The following ABCC2 variants were observed in gnomAD, a reference collection of about 807,000 sequenced individuals.
ABCC2 encodes ATP binding cassette subfamily C member 2.
Under a neutral mutation model 173.4 loss-of-function variants are expected in ABCC2, and 157 were observed. That is an observed-to-expected ratio of 0.91 (90% CI 0.80 to 1.03). ABCC2 has a LOEUF of 1.03. ABCC2 is among the 50% of genes least tolerant of loss of function. ABCC2 has a pLI of 0.00. For synonymous variants in ABCC2, 657 were observed against 693.5 expected, an observed-to-expected ratio of 0.95 and a Z score of 0.83; for missense variants, 1,822 against 1,852.3, an observed-to-expected ratio of 0.98 and a Z score of 0.30.
intron 16 of ABCC2, 90 bp from the exon 17 acceptor site, chr10:99,817,218 T>G: frequency 8.4e-7 from 1 of 1,195,980 alleles, no homozygotes; most frequent in Non-Finnish European, 1.2e-6. Context: ...TTAAGCTCCA[T>G]TTGTTTCTTC....
intron 25 of ABCC2, among the ~76,000 whole-genome samples, chr10:99,836,673 C>T (rs1372214306): frequency 6.6e-6 from 1 of 152,138 alleles, no homozygotes; most frequent in East Asian, 1.9e-4. Flanking sequence ...CCTCTGTTTA[C>T]TTTTCTGAGA....
In ABCC2 at chr10:99,784,567, A is replaced by C. The variant is rs757085567; in HGVS notation, c.34-41A>C. 90 of 1,610,574 alleles carry C rather than the reference A, an allele frequency of 5.6e-5. 1 individual carries two copies. The highest frequency in any genetic ancestry group is 5.5e-5 in the Non-Finnish European group (65 of 1,178,088). On this transcript the variant is annotated intron_variant, in intron 1 of 31. Coordinates refer to ENST00000647814, the MANE Select transcript of ABCC2 (RefSeq NM_000392.5). ...TGCTGCAGGGTGGTTTTCTGTCTTC[A>C]CAATGCATGTATGCAACAATCCTTC...
At chr10:99,822,637 G>A (rs1207869763) in intron 19 of ABCC2, among the ~76,000 whole-genome samples, 6 of 150,350 alleles carry the variant, frequency 4.0e-5, no homozygotes, top group Non-Finnish European at 7.4e-5. Context: ...CATGTGGGCT[G>A]TTCTTTTTAC....
chr10:99,805,466 G>T lies in ABCC2; in HGVS notation c.1530+19G>T. 2.5e-6 allele frequency: 4 copies of T among 1,611,872 alleles called. No homozygotes were observed. Among genetic ancestry groups the T allele is most frequent in the Non-Finnish European group, 3.4e-6 (4 of 1,178,028 alleles). ...AATCAAGGTGAGAATCTGAGCGTAGGTGGCTCTCTGTGGGTAAGGACAGAA... is the reference window on the plus strand; with the variant it reads ...AATCAAGGTGAGAATCTGAGCGTAGTTGGCTCTCTGTGGGTAAGGACAGAA... On this transcript the variant is annotated intron_variant, in intron 11 of 31. Transcript: ENST00000647814.
intron 25 of ABCC2, among the ~76,000 whole-genome samples, chr10:99,841,479 C>T (rs12771624): frequency 0.3 from 45,244 of 151,892 alleles, 7,315 homozygotes; most frequent in Non-Finnish European, 0.35. Flanking sequence ...GGCTTGAGCC[C>T]GGGAGGTCGA....
chr10:99,817,113 T>C (rs1446319213), intron 16 of ABCC2, among the ~76,000 whole-genome samples, 195 bp from the exon 17 acceptor site: 2 of 152,202 alleles, frequency 1.3e-5, no homozygotes, highest in Admixed American at 6.5e-5. Context: ...GGGCTTTTAA[T>C]GGTGAAGAGG....
At chr10:99,792,784 A>AT (rs1207457187) in intron 3 of ABCC2, among the ~76,000 whole-genome samples, 3 of 152,314 alleles carry the variant, frequency 2.0e-5, no homozygotes, top group African/African-American at 7.2e-5. Context: ...TCTTGCAGGC[A>AT]TTTTTTCAGG....
At chr10:99,782,902 A>G (rs1564665057) in intron 1 of ABCC2, 25 bp downstream of exon 1, 1 of 1,612,744 alleles carries the variant, frequency 6.2e-7, no homozygotes, top group Non-Finnish European at 8.5e-7. Flanking sequence ...TTATCTTCAT[A>G]TTGACTCTTC....
rs17216310 is a variant in ABCC2, at chr10:99,844,486, C to T, written c.3987+21C>T. On this transcript the variant is annotated intron_variant, in intron 28 of 31. Transcript: ENST00000647814. ...AGAAGGTAGGTGGAGTGAAGGAAGG[C>T]CTGGATGGGAGGCCTTGTGATCAAA... 4.8e-3 allele frequency: 7,716 copies of T among 1,611,436 alleles called. 37 individuals carry two copies. The highest frequency in any genetic ancestry group is 0.026 in the Middle Eastern group (156 of 6,054).
intron 2 of ABCC2, among the ~76,000 whole-genome samples, chr10:99,788,058 C>A (rs1433652739): frequency 8.6e-6 from 1 of 116,306 alleles, no homozygotes; most frequent in African/African-American, 3.3e-5. Flanking sequence ...CAGAGGTAGA[C>A]CCTGTCTCAA....
intron 6 of ABCC2, among the ~76,000 whole-genome samples, chr10:99,795,472 G>C (rs1484040721): frequency 6.6e-6 from 1 of 152,000 alleles, no homozygotes; most frequent in African/African-American, 2.4e-5. Context: ...GCTGAGGCGG[G>C]TGGATCACCT....
chr10:99,783,467 T>C (rs1054476066), intron 1 of ABCC2, among the ~76,000 whole-genome samples: 2 of 152,134 alleles, frequency 1.3e-5, no homozygotes, highest in Non-Finnish European at 2.9e-5. Flanking sequence ...GCAAAAAATT[T>C]CAAGATAGGG....
In ABCC2 at chr10:99,830,301, C is replaced by G. The variant is rs2038715089; in HGVS notation, c.2621-6C>G. On this transcript the variant is annotated splice_region_variant and splice_polypyrimidine_tract_variant and intron_variant, in intron 19 of 31. Coordinates refer to ENST00000647814, the MANE Select transcript of ABCC2 (RefSeq NM_000392.5). ...TCTTTCCCTAACCTCTACTGTGTCTCCCTAGTCCATGATGGCAGTGAAGAA... is the reference window on the plus strand; with the variant it reads ...TCTTTCCCTAACCTCTACTGTGTCTGCCTAGTCCATGATGGCAGTGAAGAA... 9 of 1,614,110 alleles carry G rather than the reference C, an allele frequency of 5.6e-6. No homozygotes were observed. Among genetic ancestry groups the G allele is most frequent in the Non-Finnish European group, 7.6e-6 (9 of 1,180,002 alleles).
In ABCC2 at chr10:99,846,693, T is replaced by C. The variant is rs7920448; in HGVS notation, c.4147-268T>C. 0.055 allele frequency among the ~76,000 whole-genome samples: 8,345 copies of C among 152,280 alleles called. 252 individuals carry two copies. The highest frequency in any genetic ancestry group is 0.18 in the Middle Eastern group (52 of 294). ...TGTCAAGGCTGCAGTGAGCGGTGTT[T>C]GTGCCACTGCACTCCAGTCTGGGCA... On this transcript the variant is annotated intron_variant, in intron 29 of 31. Coordinates refer to ENST00000647814, the MANE Select transcript of ABCC2 (RefSeq NM_000392.5).
chr10:99,811,497 G>A (rs2038212822), intron 14 of ABCC2, 39 bp from the exon 15 acceptor site: 2 of 1,604,854 alleles, frequency 1.2e-6, no homozygotes, highest in Non-Finnish European at 1.7e-6. Flanking sequence ...AGTCACGTGG[G>A]GACCTACATT....
At chr10:99,827,380 T>G (rs1193243891) in intron 19 of ABCC2, among the ~76,000 whole-genome samples, 5 of 151,832 alleles carry the variant, frequency 3.3e-5, no homozygotes, top group East Asian at 1.9e-4. Flanking sequence ...TAGTCAACAT[T>G]TTGCGTTGAC....
At position 99,805,379 on chromosome 10, in the gene ABCC2, C is replaced by A; in HGVS notation, c.1465-3C>A. 6.2e-7 allele frequency: 1 copy of A among 1,613,408 alleles called. No individual in the cohort carries two copies. The highest frequency in any genetic ancestry group is 8.5e-7 in the Non-Finnish European group (1 of 1,179,516). ...TGTTTTTCTTTTGCTTTTTTCCTGG[C>A]AGGTCAAAAATATGAAGAATAAAGA... is the stretch of plus-strand genomic sequence containing the variant. On this transcript the variant is annotated splice_polypyrimidine_tract_variant and splice_region_variant and intron_variant, in intron 10 of 31. Transcript: ENST00000647814.
At chr10:99,798,018 C>T (rs1314894929) in intron 7 of ABCC2, 2 of 155,324 alleles carry the variant, frequency 1.3e-5, no homozygotes, top group African/African-American at 4.8e-5. Flanking sequence ...ACAGGGTGCG[C>T]ATGGGGTGAG....
chr10:99,845,858 TG>T, intron 29 of ABCC2, 76 bp downstream of exon 29: 1 of 1,478,878 alleles, frequency 6.8e-7, no homozygotes, highest in East Asian at 2.5e-5. Flanking sequence ...AGCTTCTTCT[TG>T]ATGTCTGTTC....
Sources: allele counts gnomAD v4.1 joint callset (sites outside exome capture counted in the v4.1 genomes callset), GRCh38; gene constraint gnomAD v4.1.1; transcripts MANE v1.5; gene names NCBI Gene and HGNC (gene_info 2026-07-23, HGNC 2026-07-21).